Variants in CABIN1 observed in about 807,000 individuals in gnomAD.
CABIN1 encodes the protein calcineurin-binding protein cabin-1.
In CABIN1, 133 loss-of-function variants were observed where a neutral mutation model predicts 227.7. The observed-to-expected ratio is 0.58, with a 90% CI of 0.51 to 0.67. The LOEUF is 0.67. CABIN1 is among the 30% of genes least tolerant of loss of function. The pLI, the probability that CABIN1 is intolerant of heterozygous loss-of-function variation, is 0.00. For missense variants in CABIN1, 2,408 were observed against 2,852.5 expected (o/e 0.84, Z 3.55); for synonymous variants, 1,086 against 1,155.1 (o/e 0.94, Z 1.21).
chr22:24,037,962 G>A, intron 3 of CABIN1, among the ~76,000 whole-genome samples: 1 of 152,176 alleles, frequency 6.6e-6, no homozygotes, highest in Admixed American at 6.5e-5. Context: ...TATTATGAAG[G>A]ATACAACTCA....
chr22:24,033,826 G>T (rs1300140048), intron 1 of CABIN1, among the ~76,000 whole-genome samples: 2 of 152,154 alleles, frequency 1.3e-5, no homozygotes, highest in Non-Finnish European at 2.9e-5. Flanking sequence ...TATATTAACA[G>T]AGTTGTGTAA....
rs1434378133 is a variant in CABIN1, at chr22:24,167,224, C to T, written c.5593C>T (p.Arg1865Cys). The change falls in exon 32 of 37, where the codon CGT becomes TGT. Residue 1865 changes from arginine (R) to cysteine (C), a missense_variant. Arg to Cys is a radical substitution (Grantham distance 180). Transcript: ENST00000263119. ...SGKTLLLDAYRVWQQGQKGVA... is the reference protein window; with the variant it reads ...SGKTLLLDAYCVWQQGQKGVA... The stretch of plus-strand genomic sequence containing the variant: ...CAAGACACTTCTGTTGGATGCCTAC[C>T]GTGTGTGGCAGCAGGGCCAGAAGGG... 2.4e-5 allele frequency: 38 copies of T among 1,613,214 alleles called. 1 individual carries two copies. Among genetic ancestry groups the T allele is most frequent in the South Asian group, 3.3e-5 (3 of 90,864 alleles).
At chr22:24,067,283 C>T in intron 16 of CABIN1, 102 bp downstream of exon 16, 1 of 1,230,750 alleles carries the variant, frequency 8.1e-7, no homozygotes, top group Non-Finnish European at 1.2e-6. Context: ...GAATGTATAG[C>T]TAGAAGAGAG....
intron 12 of CABIN1, among the ~76,000 whole-genome samples, chr22:24,061,222 C>T (rs2039166897): frequency 6.6e-6 from 1 of 152,250 alleles, no homozygotes; most frequent in African/African-American, 2.4e-5. Flanking sequence ...GCCTCCTCCA[C>T]TTGGTGCCTC....
Position 24,076,252 on chromosome 22 carries a change from T to C in CABIN1, c.2716T>C (p.Cys906Arg), listed in dbSNP as rs1307978968. 1 of 1,614,030 alleles carries C rather than the reference T, an allele frequency of 6.2e-7. No individual in the cohort carries two copies. Among genetic ancestry groups the C allele is most frequent in the Non-Finnish European group, 8.5e-7 (1 of 1,180,028 alleles). The change falls in exon 19 of 37, where the codon TGC (cysteine) becomes CGC (arginine). Residue 906 changes from cysteine (C) to arginine (R), a missense_variant. Physicochemically the swap from Cys to Arg is radical, Grantham distance 180 (BLOSUM62 -3). Coordinates refer to ENST00000263119, the MANE Select transcript of CABIN1 (RefSeq NM_012295.4). ...HEYLGRRSWC[C>R]NSDGALLRFY... ...GTATTTGGGCAGAAGGTCCTGGTGCTGCAATTCAGATGGGGCTCTGCTGCG... is the reference window on the plus strand; with the variant it reads ...GTATTTGGGCAGAAGGTCCTGGTGCCGCAATTCAGATGGGGCTCTGCTGCG...
intron 1 of CABIN1, among the ~76,000 whole-genome samples, chr22:24,017,868 T>C (rs2035421747): frequency 6.6e-6 from 1 of 152,140 alleles, no homozygotes; most frequent in Non-Finnish European, 1.5e-5. Flanking sequence ...CCCTCAGTTG[T>C]AAAACGTTAT....
At chr22:24,065,590 C>T (rs1301280845) in intron 15 of CABIN1, among the ~76,000 whole-genome samples, 2 of 152,204 alleles carry the variant, frequency 1.3e-5, no homozygotes, top group Non-Finnish European at 2.9e-5. Context: ...CTCCTCACTT[C>T]CCAGACGGGG....
intron 16 of CABIN1, among the ~76,000 whole-genome samples, chr22:24,068,493 T>TG (rs2039854915): frequency 6.6e-6 from 1 of 152,208 alleles, no homozygotes; most frequent in Admixed American, 6.5e-5. Flanking sequence ...ACCCCATTGA[T>TG]GGGGGAGGAA....
At chr22:24,108,132 A>G (rs1180825958) in intron 26 of CABIN1, among the ~76,000 whole-genome samples, 1 of 152,238 alleles carries the variant, frequency 6.6e-6, no homozygotes, top group Admixed American at 6.5e-5. Context: ...GGACAGAGGT[A>G]GGAAGACAAT....
At chr22:24,159,210 C>T (rs1038328769) in intron 29 of CABIN1, among the ~76,000 whole-genome samples, 1 of 152,214 alleles carries the variant, frequency 6.6e-6, no homozygotes, top group Non-Finnish European at 1.5e-5. Context: ...CCTGCACCAC[C>T]CATCTGCTCC....
At chr22:24,161,543 A>G (rs927414247) in intron 29 of CABIN1, among the ~76,000 whole-genome samples, 2 of 152,106 alleles carry the variant, frequency 1.3e-5, no homozygotes, top group Admixed American at 1.3e-4. Context: ...CTCAGCTGCT[A>G]CTTATGGCCC....
intron 13 of CABIN1, among the ~76,000 whole-genome samples, chr22:24,062,250 A>G (rs1177820099): frequency 6.6e-6 from 1 of 151,950 alleles, no homozygotes; most frequent in African/African-American, 2.4e-5. Context: ...TTGCTGTTAC[A>G]CAAGATTGAA....
intron 29 of CABIN1, among the ~76,000 whole-genome samples, chr22:24,145,349 G>A (rs1022233657): frequency 6.6e-6 from 1 of 152,214 alleles, no homozygotes; most frequent in African/African-American, 2.4e-5. Flanking sequence ...CCAAAGTGCT[G>A]TGTTTGGCAC....
chr22:24,144,996 G>A (rs552420814), intron 29 of CABIN1, among the ~76,000 whole-genome samples: 8 of 152,358 alleles, frequency 5.3e-5, no homozygotes, highest in South Asian at 2.1e-4. Flanking sequence ...GGAGAGTGAC[G>A]TTAGAGGACA....
chr22:24,072,514 C>T lies in CABIN1; in HGVS notation c.2632+4C>T. The T allele has an allele frequency of 1.2e-6, 2 of 1,614,108 alleles. No homozygotes were observed. The highest frequency in any genetic ancestry group is 1.6e-4 in the Middle Eastern group (1 of 6,062). On this transcript the variant is annotated splice_donor_region_variant and intron_variant, in intron 18 of 36. Coordinates refer to ENST00000263119, the MANE Select transcript of CABIN1 (RefSeq NM_012295.4). The stretch of plus-strand genomic sequence containing the variant: ...CTCCAAAACCCAGCGGAGGAAGGTG[C>T]ACAGGCAGTGGGTGCAGTGGGGATG...
At chr22:24,151,980 C>T (rs2045511430) in intron 29 of CABIN1, among the ~76,000 whole-genome samples, 1 of 152,236 alleles carries the variant, frequency 6.6e-6, no homozygotes, top group Non-Finnish European at 1.5e-5. Flanking sequence ...GATCCCAGTT[C>T]TGCCTCCTGG....
At chr22:24,133,459 G>A (rs983046456) in intron 28 of CABIN1, among the ~76,000 whole-genome samples, 5 of 152,196 alleles carry the variant, frequency 3.3e-5, no homozygotes, top group African/African-American at 7.2e-5. Flanking sequence ...GAAGGCCTGC[G>A]CCCAGCGCTG....
intron 19 of CABIN1, among the ~76,000 whole-genome samples, chr22:24,080,000 A>AT (rs1261377237): frequency 6.6e-6 from 1 of 152,036 alleles, no homozygotes; most frequent in African/African-American, 2.4e-5. Flanking sequence ...TTTTTGAGGG[A>AT]TGGGGGTACT....
intron 14 of CABIN1, 47 bp downstream of exon 14, chr22:24,063,193 C>A (rs201948428): frequency 3.8e-6 from 6 of 1,589,480 alleles, no homozygotes; most frequent in Middle Eastern, 1.8e-4. Context: ...TGACACCCAG[C>A]AGGGTGGGCA....
Sources: allele counts gnomAD v4.1 joint callset (sites outside exome capture counted in the v4.1 genomes callset), GRCh38; gene constraint gnomAD v4.1.1; transcripts MANE v1.5; gene names NCBI Gene and HGNC (gene_info 2026-07-23, HGNC 2026-07-21).